NWD1: variants seen among roughly 807,000 people sequenced by gnomAD.
NWD1 encodes NACHT domain- and WD repeat-containing protein 1.
A neutral mutation model predicts 135.1 loss-of-function variants in NWD1; 129 were observed. The observed-to-expected ratio is 0.96, with a 90% CI of 0.83 to 1.11. NWD1 has a LOEUF of 1.11. Among genes scored for constraint, NWD1 ranks in the 50% least tolerant of loss-of-function variants. The pLI is 0.00. For missense variants in NWD1, 1,740 were observed against 1,851.3 expected (o/e 0.94, Z 1.10); for synonymous variants, 773 against 786.0 (o/e 0.98, Z 0.28).
At position 16,817,047 on chromosome 19, in the gene NWD1, T is replaced by A. The variant is rs1228922281; in HGVS notation, c.*2008T>A. ...TGGGCACAGTGGCTCACACCTGTGGTCCCAGCTCTTTGGAAGGCCGAGGCA... is the reference window on the plus strand; with the variant it reads ...TGGGCACAGTGGCTCACACCTGTGGACCCAGCTCTTTGGAAGGCCGAGGCA... On this transcript the variant is annotated 3_prime_UTR_variant, in exon 19 of 19. Coordinates refer to ENST00000524140, the MANE Select transcript of NWD1 (RefSeq NM_001007525.5). 6.6e-6 allele frequency: 1 copy of A among 152,154 alleles called. No homozygotes were observed. Among genetic ancestry groups the A allele is most frequent in the African/African-American group, 2.4e-5 (1 of 41,432 alleles). 9.4% of individuals were successfully genotyped at this position (152,154 alleles called of 1,614,324 possible). A position where few individuals can be genotyped will look rare whatever the true frequency, so the allele number is the denominator to read the frequency against.
intron 17 of NWD1, among the ~76,000 whole-genome samples, chr19:16,806,927 G>C (rs1970763215): frequency 6.6e-6 from 1 of 151,778 alleles, no homozygotes; most frequent in South Asian, 2.1e-4. Context: ...TGAGGTGGGA[G>C]AATTGCTGGA....
intron 11 of NWD1, among the ~76,000 whole-genome samples, chr19:16,778,905 C>G (rs1168850344): frequency 4.6e-5 from 7 of 152,184 alleles, no homozygotes. Flanking sequence ...GCATTGCTGA[C>G]TTCTGGGGCT....
intron 13 of NWD1, among the ~76,000 whole-genome samples, chr19:16,789,716 C>CTTTTTTT (rs11383216): frequency 2.5e-5 from 3 of 119,574 alleles, no homozygotes; most frequent in Non-Finnish European, 3.4e-5. Flanking sequence ...TCCTCTCTCT[C>CTTTTTTT]TTTTTTTTTT....
At chr19:16,743,447 A>C (rs1968168757) in intron 4 of NWD1, among the ~76,000 whole-genome samples, 1 of 151,622 alleles carries the variant, frequency 6.6e-6, no homozygotes, top group South Asian at 2.1e-4. Context: ...GGCTCAAGAG[A>C]TCCTCCTGCC....
At chr19:16,774,959 C>T (rs1254166932) in intron 11 of NWD1, among the ~76,000 whole-genome samples, 1 of 152,102 alleles carries the variant, frequency 6.6e-6, no homozygotes, top group African/African-American at 2.4e-5. Flanking sequence ...TCCATTCACC[C>T]ACTCACTCAT....
chr19:16,749,845 G>GC lies in NWD1; in HGVS notation c.1208dup (p.Ala404CysfsTer38), dbSNP rs1180188199. ...TGTGCCTGGCCTATGGGCTGCCCTT[G>GC]CCCCCTGCCCAGGTTCTGGACGCCC... On this transcript the variant is annotated frameshift_variant, in exon 6 of 19. Transcript: ENST00000524140. LOFTEE classifies it high-confidence loss of function. 6.2e-7 allele frequency: 1 copy of GC among 1,612,176 alleles called. No individual in the cohort carries two copies. Among genetic ancestry groups the GC allele is most frequent in the Non-Finnish European group, 8.5e-7 (1 of 1,179,262 alleles).
intron 4 of NWD1, among the ~76,000 whole-genome samples, chr19:16,737,511 C>T (rs1041957215): frequency 6.6e-6 from 1 of 151,448 alleles, no homozygotes; most frequent in African/African-American, 2.4e-5. Flanking sequence ...CCCACCTTGG[C>T]CTCCCAAAGT....
rs1214149662 is a variant in NWD1, at chr19:16,759,348, G to T, written c.1893G>T (p.Trp631Cys). Reference protein sequence around the residue: ...KELLRFPPLLWVRLRRDLGYY... With the variant: ...KELLRFPPLLCVRLRRDLGYY... Reference sequence around the variant, plus strand: ...TGCTGCGCTTCCCGCCCCTGCTGTGGGTGCGGCTTCGTCGGGATCTGGGAT... The same window carrying T: ...TGCTGCGCTTCCCGCCCCTGCTGTGTGTGCGGCTTCGTCGGGATCTGGGAT... Residue 631 changes from tryptophan (W) to cysteine (C), a missense_variant, in exon 7 of 19, where the codon TGG (tryptophan) becomes TGT (cysteine). Coordinates refer to ENST00000524140, the MANE Select transcript of NWD1 (RefSeq NM_001007525.5). 1 of 1,613,740 alleles carries T rather than the reference G, an allele frequency of 6.2e-7. No homozygotes were observed. Among genetic ancestry groups the T allele is most frequent in the East Asian group, 2.2e-5 (1 of 44,864 alleles).
chr19:16,794,297 C>T (rs1395614897), intron 14 of NWD1, among the ~76,000 whole-genome samples, 166 bp from the exon 15 acceptor site: 3 of 152,146 alleles, frequency 2.0e-5, no homozygotes, highest in African/African-American at 4.8e-5. Flanking sequence ...ACCCGGGAGG[C>T]GGAGGTTGCA....
Position 16,749,255 on chromosome 19 carries a change from C to G in NWD1, c.613C>G (p.Leu205Val), listed in dbSNP as rs1446427605. Residue 205 changes from leucine to valine, a missense_variant, in exon 6 of 19, where the codon CTT becomes GTT. Transcript: ENST00000524140. Reference sequence around the variant, plus strand: ...CAAACACATCCTTGAAGACTGCGCCCTTAGGATGGTGGACCGGCTCGCGGA... The same window carrying G: ...CAAACACATCCTTGAAGACTGCGCCGTTAGGATGGTGGACCGGCTCGCGGA... Reference protein sequence around the residue: ...LHKHILEDCALRMVDRLADGC... With the variant: ...LHKHILEDCAVRMVDRLADGC... The G allele has an allele frequency of 6.2e-7, 1 of 1,614,104 alleles. No individual in the cohort carries two copies. Among genetic ancestry groups the G allele is most frequent in the African/African-American group, 1.3e-5 (1 of 75,030 alleles).
intron 6 of NWD1, among the ~76,000 whole-genome samples, chr19:16,757,279 C>T (rs1309528925): frequency 6.6e-6 from 1 of 152,040 alleles, no homozygotes; most frequent in Admixed American, 6.6e-5. Context: ...AATGATCTGA[C>T]CCCAAACATC....
At chr19:16,744,846 G>T in intron 5 of NWD1, 128 bp downstream of exon 5, 1 of 768,980 alleles carries the variant, frequency 1.3e-6, no homozygotes, top group South Asian at 1.5e-5. Flanking sequence ...TCAACCTCTG[G>T]TCCCTCGGCT....
At chr19:16,767,563 A>G (rs898001626) in intron 10 of NWD1, among the ~76,000 whole-genome samples, 2 of 151,984 alleles carry the variant, frequency 1.3e-5, no homozygotes, top group African/African-American at 2.4e-5. Flanking sequence ...TGCAGTGACC[A>G]GAAATCCCAC....
chr19:16,782,107 AG>A (rs1192801944), intron 12 of NWD1, among the ~76,000 whole-genome samples: 6 of 148,168 alleles, frequency 4.0e-5, no homozygotes, highest in African/African-American at 1.3e-4. Flanking sequence ...AAAAAAAAAA[AG>A]AAAAAAAAAA....
intron 12 of NWD1, among the ~76,000 whole-genome samples, chr19:16,786,964 A>T (rs1970060674): frequency 6.6e-6 from 1 of 152,140 alleles, no homozygotes. Context: ...TTTGTCTGTT[A>T]TATGTTGCAA....
intron 14 of NWD1, among the ~76,000 whole-genome samples, chr19:16,792,147 T>C (rs183542651): frequency 2.3e-3 from 352 of 152,232 alleles, no homozygotes; most frequent in Non-Finnish European, 3.7e-3. Context: ...TAAGACATGG[T>C]GTGGAATGAG....
chr19:16,778,581 T>C (rs1176116890), intron 11 of NWD1, among the ~76,000 whole-genome samples: 1 of 151,258 alleles, frequency 6.6e-6, no homozygotes, highest in Non-Finnish European at 1.5e-5. Context: ...TGATCTCAGC[T>C]CACTGCAACC....
chr19:16,780,143 G>A (rs1029410352), intron 12 of NWD1, among the ~76,000 whole-genome samples: 1 of 150,950 alleles, frequency 6.6e-6, no homozygotes, highest in Non-Finnish European at 1.5e-5. Context: ...CTCATCCCCA[G>A]CAAAGGCAAG....
intron 6 of NWD1, among the ~76,000 whole-genome samples, chr19:16,756,542 T>C (rs1287014152): frequency 6.6e-6 from 1 of 152,232 alleles, no homozygotes; most frequent in Non-Finnish European, 1.5e-5. Flanking sequence ...TATTTATCTT[T>C]ATGTTTATCT....
Sources: allele counts gnomAD v4.1 joint callset (sites outside exome capture counted in the v4.1 genomes callset), GRCh38; gene constraint gnomAD v4.1.1; transcripts MANE v1.5; gene names NCBI Gene and HGNC (gene_info 2026-07-23, HGNC 2026-07-21).